BOD1L1: variants seen among roughly 807,000 people sequenced by gnomAD.
BOD1L1 encodes the protein biorientation of chromosomes in cell division protein 1-like 1.
Under a neutral mutation model 240.7 loss-of-function variants are expected in BOD1L1, and 86 were observed. The ratio of observed to expected loss-of-function variants is 0.36; its 90% confidence interval spans 0.30 to 0.43. The LOEUF is 0.43. BOD1L1 is among the 20% of genes least tolerant of loss of function. BOD1L1 has a pLI of 1.00. For synonymous variants in BOD1L1, 1,268 were observed against 1,272.3 expected, an observed-to-expected ratio of 1.00 and a Z score of 0.07; for missense variants, 3,554 against 3,643.5, an observed-to-expected ratio of 0.98 and a Z score of 0.63.
Position 13,599,454 on chromosome 4 carries a change from C to T in BOD1L1, c.7446G>A (p.Gly2482=), listed in dbSNP as rs1347405414. The T allele has an allele frequency of 6.2e-7, 1 of 1,613,858 alleles. No homozygotes were observed. The highest frequency in any genetic ancestry group is 2.2e-5 in the East Asian group (1 of 44,896). ...CTGAATAACTTGCTGTGCTACTGCC[C>T]CCTGCTGTCCCTGTCTCTGGGCTCT... The part of the protein sequence containing the change: ...EDKSPETGTA[G]GSSTASYSAG... The change falls in exon 10 of 26, where the codon GGG becomes GGA. Residue 2482 remains glycine (G), a synonymous_variant. Transcript: ENST00000040738.
In BOD1L1 at chr4:13,601,323, G is replaced by T. The variant is rs146332136; in HGVS notation, c.5577C>A (p.Gly1859=). 13 of 1,613,820 alleles carry T rather than the reference G, an allele frequency of 8.1e-6. No individual in the cohort carries two copies. The highest frequency in any genetic ancestry group is 9.3e-6 in the Non-Finnish European group (11 of 1,179,874). The change falls in exon 10 of 26, where the codon GGC becomes GGA. Residue 1859 remains glycine, a synonymous_variant. Coordinates refer to ENST00000040738, the MANE Select transcript of BOD1L1 (RefSeq NM_148894.3). ...CCCCTTCCTCGTCTTCCTCTTTTGC[G>T]CCTGTGCTAGTCACAATGCCTTCAT... ...CDDEGIVTST[G]AKEEDEEGED...
In BOD1L1 at chr4:13,582,703, T is replaced by C; in HGVS notation, c.8467A>G (p.Lys2823Glu). 6.2e-7 allele frequency: 1 copy of C among 1,613,032 alleles called. No homozygotes were observed. The highest frequency in any genetic ancestry group is 8.5e-7 in the Non-Finnish European group (1 of 1,179,060). The change falls in exon 18 of 26, where the codon AAA becomes GAA. Residue 2823 changes from lysine to glutamate, a missense_variant. By Grantham distance (56) the Lys-to-Glu change is moderately conservative. Around this residue, in one of 2 missense-constraint regions of BOD1L1, gnomAD observed 3,393 missense variants for 3,427.1 expected, o/e 0.99. Coordinates refer to ENST00000040738, the MANE Select transcript of BOD1L1 (RefSeq NM_148894.3). Reference protein sequence around the residue: ...ENSRDLEELPKTSSETNSTTS... With the variant: ...ENSRDLEELPETSSETNSTTS... ...GTGCTATTTGTCTCAGAACTGGTTTTAGGTAATTCTTCCAAATCTCTGGAG... is the reference window on the plus strand; with the variant it reads ...GTGCTATTTGTCTCAGAACTGGTTTCAGGTAATTCTTCCAAATCTCTGGAG...
intron 3 of BOD1L1, 52 bp downstream of exon 3, chr4:13,615,260 T>G: frequency 6.8e-7 from 1 of 1,462,086 alleles, no homozygotes; most frequent in Non-Finnish European, 9.2e-7. Context: ...TAACTTGATA[T>G]TCAGTTCAAG....
intron 17 of BOD1L1, among the ~76,000 whole-genome samples, chr4:13,585,332 T>C (rs1055891103): frequency 5.3e-5 from 8 of 152,120 alleles, no homozygotes; most frequent in African/African-American, 1.9e-4. Flanking sequence ...ATAACTGGAC[T>C]TAAACACTTT....
Position 13,603,122 on chromosome 4 carries a change from CTG to C in BOD1L1, c.3776_3777del (p.Thr1259SerfsTer3), listed in dbSNP as rs1290569448. 1 of 1,613,872 alleles carries C rather than the reference CTG, an allele frequency of 6.2e-7. No individual in the cohort carries two copies. The highest frequency in any genetic ancestry group is 1.3e-5 in the African/African-American group (1 of 74,922). On this transcript the variant is annotated frameshift_variant, in exon 10 of 26. Transcript: ENST00000040738. LOFTEE classifies it high-confidence loss of function. ...CCTTGAGCAACATGTTCTTCAGCAG[CTG>C]TGTTTTTCAAATTCTTCTGTACCCT... The part of the protein sequence containing the change: ...NDRVQKNLKN[T>X]AAEEHVAQGD...
rs77721525 is a variant in BOD1L1 at position 13,603,666 on chromosome 4, C to T, written c.3234G>A (p.Leu1078=). The part of the protein sequence containing the change: ...RRLCENRRGS[L]SQEMAKGEEK... ...CTTCTCCTTTGGCCATTTCTTGTGA[C>T]AAGCTTCCTCTCCGATTTTCGCACA... Residue 1078 remains leucine (L), a synonymous_variant, in exon 10 of 26, where the codon TTG becomes TTA. Coordinates refer to ENST00000040738, the MANE Select transcript of BOD1L1 (RefSeq NM_148894.3). 8.8e-3 allele frequency: 14,249 copies of T among 1,613,956 alleles called. 77 individuals are homozygous for T. Among genetic ancestry groups the T allele is most frequent in the Non-Finnish European group, 0.011 (12,933 of 1,179,870 alleles).
At chr4:13,615,894 A>T (rs1327256628) in intron 2 of BOD1L1, among the ~76,000 whole-genome samples, 1 of 152,190 alleles carries the variant, frequency 6.6e-6, no homozygotes, top group African/African-American at 2.4e-5. Flanking sequence ...AAATAAACCT[A>T]TGGTCTCTAC....
chr4:13,589,596 C>T (rs1293197221), intron 14 of BOD1L1, among the ~76,000 whole-genome samples: 1 of 151,874 alleles, frequency 6.6e-6, no homozygotes. Flanking sequence ...TGTTTATGGA[C>T]CTATATATAA....
intron 14 of BOD1L1, 61 bp downstream of exon 14, chr4:13,590,324 AC>A: frequency 1.1e-6 from 1 of 891,840 alleles, no homozygotes; most frequent in Non-Finnish European, 1.7e-6. Flanking sequence ...TGGTATACAG[AC>A]CACACTCAAT....
At position 13,603,898 on chromosome 4, in the gene BOD1L1, T is replaced by A. The variant is rs753492728; in HGVS notation, c.3002A>T (p.Tyr1001Phe). The A allele has an allele frequency of 1.9e-6, 3 of 1,613,766 alleles. No individual in the cohort carries two copies. The highest frequency in any genetic ancestry group is 1.1e-5 in the South Asian group (1 of 91,090). ...RAKLPLAKEKYKSDKDSTSTR... is the reference protein window; with the variant it reads ...RAKLPLAKEKFKSDKDSTSTR... ...GGAAGTGGAGTCTTTATCACTCTTA[T>A]ATTTCTCCTTTGCTAATGGTAACTT... Residue 1001 changes from tyrosine to phenylalanine, a missense_variant, in exon 10 of 26, where the codon TAT (tyrosine) becomes TTT (phenylalanine). Physicochemically the swap from Tyr to Phe is conservative, Grantham distance 22. Transcript: ENST00000040738.
Position 13,595,876 on chromosome 4 carries a change from TC to T in BOD1L1, c.8087del (p.Gly2696GlufsTer6). On this transcript the variant is annotated frameshift_variant, in exon 12 of 26. Transcript: ENST00000040738. LOFTEE classifies it high-confidence loss of function. ...ILAPPESLCG[G>X]KPSGIAELQR... ...AGAGCTCACCTATTCCACTTGGCTT[TC>T]CCCCACACAGACTTTCTGGTGGTGC... 1 of 1,613,680 alleles carries T rather than the reference TC, an allele frequency of 6.2e-7. No individual in the cohort carries two copies. The highest frequency in any genetic ancestry group is 8.5e-7 in the Non-Finnish European group (1 of 1,179,816).
intron 12 of BOD1L1, among the ~76,000 whole-genome samples, chr4:13,593,944 G>A (rs560947517): frequency 6.6e-6 from 1 of 152,234 alleles, no homozygotes; most frequent in South Asian, 2.1e-4. Context: ...CGTTTAGGGT[G>A]GACACATGTA....
chr4:13,604,049 C>A lies in BOD1L1; in HGVS notation c.2851G>T (p.Asp951Tyr), dbSNP rs367853413. ...PDKEKNTEEN[D>Y]SEKQRKSKVE... ...TTAGACTTACGCTGTTTTTCTGAGTCATTTTCTTCTGTGTTCTTCTCCTTG... is the reference window on the plus strand; with the variant it reads ...TTAGACTTACGCTGTTTTTCTGAGTAATTTTCTTCTGTGTTCTTCTCCTTG... The change falls in exon 10 of 26, where the codon GAC (aspartate) becomes TAC (tyrosine). Residue 951 changes from aspartate (D) to tyrosine (Y), a missense_variant. Asp to Tyr is a radical substitution (Grantham distance 160). Transcript: ENST00000040738. 3 of 1,613,790 alleles carry A rather than the reference C, an allele frequency of 1.9e-6. No homozygotes were observed. The highest frequency in any genetic ancestry group is 2.5e-6 in the Non-Finnish European group (3 of 1,179,846).
rs767947415 is a variant in BOD1L1, at chr4:13,601,690, T to A, written c.5210A>T (p.Asp1737Val). The A allele has an allele frequency of 1.4e-5, 22 of 1,613,882 alleles. No homozygotes were observed. The highest frequency in any genetic ancestry group is 1.8e-5 in the Non-Finnish European group (21 of 1,179,900). Residue 1737 changes from aspartate (D) to valine (V), a missense_variant, in exon 10 of 26, where the codon GAT becomes GTT. Transcript: ENST00000040738. ...AGTTACTGAGCAGATCACAAAGTTA[T>A]CACTTCTGCCTTCTGCTCCTGTACA... The part of the protein sequence containing the change: ...VTCTGAEGRS[D>V]NFVICSVTGA...
Position 13,603,994 on chromosome 4 carries a change from C to T in BOD1L1, c.2906G>A (p.Gly969Asp). Residue 969 changes from glycine (G) to aspartate (D), a missense_variant, in exon 10 of 26, where the codon GGT becomes GAT. Gly to Asp is a moderately conservative substitution (Grantham distance 94). This residue lies in a region of BOD1L1 where 3,393 missense variants were observed against 3,427.1 expected (regional missense o/e 0.99). Transcript: ENST00000040738. ...KVEDKPFEETGVEPVLETASS... is the reference protein window; with the variant it reads ...KVEDKPFEETDVEPVLETASS... ...AGCAGTCTCTAATACAGGTTCAACA[C>T]CAGTTTCTTCAAAAGGTTTGTCTTC... 6.2e-7 allele frequency: 1 copy of T among 1,613,942 alleles called. No homozygotes were observed. Among genetic ancestry groups the T allele is most frequent in the South Asian group, 1.1e-5 (1 of 91,084 alleles).
At chr4:13,591,611 C>G (rs1165111437) in intron 13 of BOD1L1, among the ~76,000 whole-genome samples, 1 of 152,162 alleles carries the variant, frequency 6.6e-6, no homozygotes, top group Non-Finnish European at 1.5e-5. Flanking sequence ...AATTCTCAAA[C>G]TAAAATCTAT....
At chr4:13,584,142 G>T (rs909093310) in intron 17 of BOD1L1, among the ~76,000 whole-genome samples, 1 of 152,162 alleles carries the variant, frequency 6.6e-6, no homozygotes, top group Non-Finnish European at 1.5e-5. Context: ...TATATAAATC[G>T]TGGTTCTACC....
chr4:13,604,933 C>A lies in BOD1L1; in HGVS notation c.1967G>T (p.Arg656Ile). Residue 656 changes from arginine to isoleucine, a missense_variant, in exon 10 of 26, where the codon AGA (arginine) becomes ATA (isoleucine). Arg to Ile is a moderately conservative substitution (Grantham distance 97). This residue lies in a region of BOD1L1 where 3,393 missense variants were observed against 3,427.1 expected (regional missense o/e 0.99). Coordinates refer to ENST00000040738, the MANE Select transcript of BOD1L1 (RefSeq NM_148894.3). ...CATGATAACAGGGGTAGATGTCCGT[C>A]TTTTATGTTCTCTTTCTAATTTGGA... is the stretch of plus-strand genomic sequence containing the variant. ...NESKLEREHK[R>I]RTSTPVIMEG... 1 of 1,613,536 alleles carries A rather than the reference C, an allele frequency of 6.2e-7. No homozygotes were observed. The highest frequency in any genetic ancestry group is 8.5e-7 in the Non-Finnish European group (1 of 1,179,736).
Position 13,600,175 on chromosome 4 carries a change from C to G in BOD1L1, c.6725G>C (p.Arg2242Pro). The change falls in exon 10 of 26, where the codon CGA becomes CCA. Residue 2242 changes from arginine (R) to proline (P), a missense_variant. Arg to Pro is a moderately radical substitution (Grantham distance 103, BLOSUM62 -2). Transcript: ENST00000040738. ...TTTTTCTTCCATGACTGTGCCAGCT[C>G]GCTCATTTTCACTTTCAACAACTAC... The part of the protein sequence containing the change: ...SGVVVESENE[R>P]AGTVMEEKDG... The G allele has an allele frequency of 6.2e-7, 1 of 1,613,972 alleles. No individual in the cohort carries two copies.
Sources: gnomAD v4.1 joint callset for allele counts (sites outside exome capture counted in the v4.1 genomes callset) on GRCh38, gnomAD v4.1.1 for gene constraint, gnomAD v4.1.1 regional missense constraint, MANE v1.5 for transcripts, NCBI Gene and HGNC (gene_info 2026-07-23, HGNC 2026-07-21) for gene names.